KBTBD11: variants seen among roughly 807,000 people sequenced by gnomAD.
KBTBD11 encodes the protein kelch repeat and BTB domain containing 11, also known as kelch repeat and BTB domain-containing protein 11.
For missense variants in KBTBD11, 1,390 were observed against 1,001.8 expected (o/e 1.39, Z -5.23); for synonymous variants, 747 against 499.0 (o/e 1.50, Z -6.63).
At chr8:1,989,795 G>A (rs1399085165) in intron 1 of KBTBD11, among the ~76,000 whole-genome samples, 2 of 152,092 alleles carry the variant, frequency 1.3e-5, no homozygotes, top group Non-Finnish European at 2.9e-5. Flanking sequence ...CATCCTCATG[G>A]GGTGAGACCA....
intron 1 of KBTBD11, among the ~76,000 whole-genome samples, chr8:1,987,498 T>C (rs1476334551): frequency 6.6e-6 from 1 of 152,154 alleles, no homozygotes; most frequent in Non-Finnish European, 1.5e-5. Context: ...CAGATCCCAT[T>C]GTGGTCAAGG....
chr8:1,989,248 C>T (rs189247086), intron 1 of KBTBD11, among the ~76,000 whole-genome samples: 5 of 152,352 alleles, frequency 3.3e-5, no homozygotes, highest in South Asian at 4.1e-4. Flanking sequence ...CCCAAGGACA[C>T]TCACAGAAAC....
chr8:2,002,574 T>A lies in KBTBD11; in HGVS notation c.1382T>A (p.Val461Glu). 6.3e-7 allele frequency: 1 copy of A among 1,581,474 alleles called. No individual in the cohort carries two copies. Among genetic ancestry groups the A allele is most frequent in the Non-Finnish European group, 8.5e-7 (1 of 1,172,996 alleles). ...EATTCHGEIY[V>E]SGGSLFYRLL... ...ACCACCTGCCACGGCGAGATCTACGTGTCCGGGGGCTCCCTCTTCTATCGC... is the reference window on the plus strand; with the variant it reads ...ACCACCTGCCACGGCGAGATCTACGAGTCCGGGGGCTCCCTCTTCTATCGC... Residue 461 changes from valine (V) to glutamate (E), a missense_variant, in exon 2 of 2, where the codon GTG becomes GAG. By Grantham distance (121) the Val-to-Glu change is moderately radical. Coordinates refer to ENST00000320248, the MANE Select transcript of KBTBD11 (RefSeq NM_014867.3). This position sits in a 1 kb window ranked among gnomAD's most constrained non-coding sequence, Gnocchi z 4.1.
At chr8:1,994,738 G>T (rs1339578226) in intron 1 of KBTBD11, among the ~76,000 whole-genome samples, 2 of 152,144 alleles carry the variant, frequency 1.3e-5, no homozygotes, top group African/African-American at 2.4e-5. Context: ...AGTCCAGCTG[G>T]TCTCTTAGGA....
rs1374155011 is a variant in KBTBD11 at position 2,000,935 on chromosome 8, G to A, written c.-258G>A. On this transcript the variant is annotated 5_prime_UTR_variant, in exon 2 of 2. It introduces an in-frame stop codon into an upstream open reading frame of the 5' UTR. Transcript: ENST00000320248. ...AGACTTTCTGGGCAGATTTAAAGTGGCTGGGGTTCAGAAGTTCAGCAAGTC... is the reference window on the plus strand; with the variant it reads ...AGACTTTCTGGGCAGATTTAAAGTGACTGGGGTTCAGAAGTTCAGCAAGTC... 5 of 398,318 alleles carry A rather than the reference G, an allele frequency of 1.3e-5. No individual in the cohort carries two copies. The highest frequency in any genetic ancestry group is 2.1e-5 in the African/African-American group (1 of 48,508). The allele number at this position is 398,318 out of a possible 1,614,324, so 24.7% of individuals were successfully genotyped here. A position where few individuals can be genotyped will look rare whatever the true frequency, so the allele number is the denominator to read the frequency against.
chr8:1,990,415 C>T (rs112919550), intron 1 of KBTBD11, among the ~76,000 whole-genome samples: 1 of 112,608 alleles, frequency 8.9e-6, no homozygotes, highest in Non-Finnish European at 1.8e-5. Flanking sequence ...TGCTGCCGGG[C>T]CTTGGCGCCC....
At position 2,005,035 on chromosome 8, in the gene KBTBD11, A is replaced by C. The variant is rs774092287; in HGVS notation, c.*1971A>C. The C allele has an allele frequency of 6.0e-6, 1 of 167,116 alleles. No homozygotes were observed. The highest frequency in any genetic ancestry group is 1.5e-5 in the Non-Finnish European group (1 of 68,134). 10.4% of individuals were successfully genotyped at this position (167,116 alleles called of 1,614,324 possible). A position where few individuals can be genotyped will look rare whatever the true frequency, so the allele number is the denominator to read the frequency against. ...TCATTCCTGTAATGTTTATTGTTTGAAAATGAAATATTGAAATTAGGCTTC... is the reference window on the plus strand; with the variant it reads ...TCATTCCTGTAATGTTTATTGTTTGCAAATGAAATATTGAAATTAGGCTTC... On this transcript the variant is annotated 3_prime_UTR_variant, in exon 2 of 2. Transcript: ENST00000320248.
chr8:1,993,568 T>G (rs1314782197), intron 1 of KBTBD11, among the ~76,000 whole-genome samples: 1 of 100,682 alleles, frequency 9.9e-6, no homozygotes. Flanking sequence ...CATCCATCCA[T>G]CCATCCATCC....
chr8:2,001,269 G>T lies in KBTBD11; in HGVS notation c.77G>T (p.Gly26Val). 9.2e-6 allele frequency: 14 copies of T among 1,516,890 alleles called. No homozygotes were observed. Among genetic ancestry groups the T allele is most frequent in the Non-Finnish European group, 1.2e-5 (14 of 1,139,686 alleles). The allele number at this position is 1,516,890 out of a possible 1,614,324, so 94.0% of individuals were successfully genotyped here. A position where few individuals can be genotyped will look rare whatever the true frequency, so the allele number is the denominator to read the frequency against. ...PGAAGESESE[G>V]AASPAQTPCS... is the part of the protein sequence containing the mutation. Reference sequence around the variant, plus strand: ...GCTGCCGGGGAGAGCGAGAGCGAGGGCGCCGCGTCCCCGGCGCAGACACCC... The same window carrying T: ...GCTGCCGGGGAGAGCGAGAGCGAGGTCGCCGCGTCCCCGGCGCAGACACCC... Residue 26 changes from glycine to valine, a missense_variant, in exon 2 of 2, where the codon GGC becomes GTC. Coordinates refer to ENST00000320248, the MANE Select transcript of KBTBD11 (RefSeq NM_014867.3).
At position 2,002,815 on chromosome 8, in the gene KBTBD11, G is replaced by C. The variant is rs1329118182; in HGVS notation, c.1623G>C (p.Leu541=). 7.0e-7 allele frequency: 1 copy of C among 1,435,218 alleles called. No individual in the cohort carries two copies. Among genetic ancestry groups the C allele is most frequent in the African/African-American group, 1.5e-5 (1 of 66,812 alleles). 88.9% of individuals were successfully genotyped at this position (1,435,218 alleles called of 1,614,324 possible). Residue 541 remains leucine, a synonymous_variant, in exon 2 of 2, where the codon CTG becomes CTC. Coordinates refer to ENST00000320248, the MANE Select transcript of KBTBD11 (RefSeq NM_014867.3). This position sits in a 1 kb window ranked among gnomAD's most constrained non-coding sequence, Gnocchi z 4.1. ...AKQWSPCVAP[L]RLPGGPTGLQ... is the part of the protein sequence containing the mutation. ...AGTGGAGCCCGTGCGTCGCGCCCCTGCGCCTCCCCGGCGGCCCCACGGGCC... is the reference window on the plus strand; with the variant it reads ...AGTGGAGCCCGTGCGTCGCGCCCCTCCGCCTCCCCGGCGGCCCCACGGGCC...
chr8:1,993,323 A>G (rs945171190), intron 1 of KBTBD11, among the ~76,000 whole-genome samples: 10 of 151,846 alleles, frequency 6.6e-5, no homozygotes, highest in South Asian at 2.1e-4. Flanking sequence ...CCATCCATCT[A>G]TCCATCCAGT....
At chr8:1,979,488 G>A (rs576515963) in intron 1 of KBTBD11, among the ~76,000 whole-genome samples, 1 of 152,188 alleles carries the variant, frequency 6.6e-6, no homozygotes, top group Non-Finnish European at 1.5e-5. Flanking sequence ...AAATTAGCCA[G>A]GTGTGGTGGC....
In KBTBD11 at chr8:1,985,935, T is replaced by G. The variant is rs575483009; in HGVS notation, c.-909+12000T>G. Among the ~76,000 whole-genome samples the G allele has an allele frequency of 5.3e-5, 8 of 152,362 alleles. No individual in the cohort carries two copies. The South Asian group carries it at 1.2e-3, about 24-fold the overall frequency. ...GTCTCAAGGTATAATTGTAGACACA[T>G]CGGTTTTGCATCCACACTCCCGCGT... is the stretch of plus-strand genomic sequence containing the variant. On this transcript the variant is annotated intron_variant, in intron 1 of 1. Coordinates refer to ENST00000320248, the MANE Select transcript of KBTBD11 (RefSeq NM_014867.3).
chr8:1,973,964 G>T (rs1415158321), intron 1 of KBTBD11, 29 bp downstream of exon 1: 3 of 982,810 alleles, frequency 3.1e-6, no homozygotes, highest in Non-Finnish European at 3.6e-6. Flanking sequence ...AGGCAGCGGC[G>T]GGGCCTGGCG....
Position 2,002,725 on chromosome 8 carries a change from C to T in KBTBD11, c.1533C>T (p.Arg511=). Residue 511 remains arginine (R), a synonymous_variant, in exon 2 of 2, where the codon CGC becomes CGT. Transcript: ENST00000320248. This position sits in a 1 kb window ranked among gnomAD's most constrained non-coding sequence, Gnocchi z 4.1. ...FIYRFDLSGS[R]GEAQAAGPSG... ...ACCGCTTCGATCTGAGCGGCAGCCGCGGCGAGGCGCAGGCGGCGGGGCCGA... is the reference window on the plus strand; with the variant it reads ...ACCGCTTCGATCTGAGCGGCAGCCGTGGCGAGGCGCAGGCGGCGGGGCCGA... The T allele has an allele frequency of 6.6e-7, 1 of 1,510,638 alleles. No homozygotes were observed. The allele number at this position is 1,510,638 out of a possible 1,614,324, so 93.6% of individuals were successfully genotyped here.
chr8:1,978,793 C>G (rs1198675234), intron 1 of KBTBD11, among the ~76,000 whole-genome samples: 1 of 152,016 alleles, frequency 6.6e-6, no homozygotes, highest in African/African-American at 2.4e-5. Flanking sequence ...GGTCATGTCC[C>G]TTCCACATAA....
chr8:2,000,050 C>T (rs1010553790), intron 1 of KBTBD11, among the ~76,000 whole-genome samples: 1 of 152,146 alleles, frequency 6.6e-6, no homozygotes, highest in Non-Finnish European at 1.5e-5. Flanking sequence ...ACTGGACTCT[C>T]CTGAGTCCTC....
At chr8:1,998,631 G>A (rs1817230662) in intron 1 of KBTBD11, among the ~76,000 whole-genome samples, 1 of 152,138 alleles carries the variant, frequency 6.6e-6, no homozygotes, top group Admixed American at 6.5e-5. Context: ...TTACTACACT[G>A]GATTTTAGGG....
intron 1 of KBTBD11, among the ~76,000 whole-genome samples, chr8:1,980,417 G>C (rs554785472): frequency 6.6e-6 from 1 of 152,000 alleles, no homozygotes; most frequent in African/African-American, 2.4e-5. Flanking sequence ...AGTACAGATG[G>C]GGTTTCACCA....
Sources: gnomAD v4.1 joint callset for allele counts (sites outside exome capture counted in the v4.1 genomes callset) on GRCh38, gnomAD v4.1.1 for gene constraint, Gnocchi (gnomAD v3.1) non-coding constraint, MANE v1.5 for transcripts, NCBI Gene and HGNC (gene_info 2026-07-23, HGNC 2026-07-21) for gene names.